The following MASP1 variants were observed in gnomAD, a reference collection of about 807,000 sequenced individuals.
MASP1 encodes mannan-binding lectin serine protease 1.
In MASP1, 59 loss-of-function variants were observed where a neutral mutation model predicts 77.1. That is an observed-to-expected ratio of 0.77 (90% CI 0.62 to 0.95). The LOEUF (loss-of-function observed/expected upper bound fraction) is 0.95, where lower values mean the gene tolerates loss of function less well. Ranked by LOEUF, MASP1 falls within the 40% of genes least tolerant of loss-of-function variation. MASP1 has a pLI of 0.00. For missense variants in MASP1, 885 were observed against 912.9 expected (o/e 0.97, Z 0.39); for synonymous variants, 362 against 354.5 (o/e 1.02, Z -0.24).
At chr3:187,247,505 G>T in intron 8 of MASP1, 2 of 1,096,422 alleles carry the variant, frequency 1.8e-6, no homozygotes, top group Admixed American at 3.6e-5. Flanking sequence ...AGGAAATACA[G>T]AAATTACTCC....
At chr3:187,225,447 G>T in exon 13 of MASP1, 2 of 1,614,186 alleles carry the variant, frequency 1.2e-6, no homozygotes, top group Non-Finnish European at 1.7e-6. Context: ...TGGGGGTGGA[G>T]AGTGGTGTGT....
At chr3:187,238,653 A>G (rs369259372) in intron 10 of MASP1, among the ~76,000 whole-genome samples, 41 of 152,358 alleles carry the variant, frequency 2.7e-4, no homozygotes, top group Middle Eastern at 3.4e-3. Context: ...GATGGCATAA[A>G]ACATGATCAT....
In MASP1 at chr3:187,281,464, C is replaced by T. The variant is rs75080397; in HGVS notation, c.237+4361G>A. Among the ~76,000 whole-genome samples the T allele has an allele frequency of 2.2e-4, 33 of 152,268 alleles. No individual in the cohort carries two copies. The East Asian group carries it at 3.5e-3, about 16-fold the overall frequency. ...ATTTAGTCATAGAGGAAAAATGCCTCAAAACAGGGAATTTTATCCTGTCAA... is the reference window on the plus strand; with the variant it reads ...ATTTAGTCATAGAGGAAAAATGCCTTAAAACAGGGAATTTTATCCTGTCAA... On this transcript the variant is annotated intron_variant, in intron 2 of 10. Transcript: ENST00000296280.
Position 187,251,766 on chromosome 3 carries a change from A to C in MASP1, c.893-14T>G, listed in dbSNP as rs188032187. 5,489 of 1,598,438 alleles carry C rather than the reference A, an allele frequency of 3.4e-3. 46 individuals are homozygous for C. Among genetic ancestry groups the C allele is most frequent in the South Asian group, 0.016 (1,431 of 90,786 alleles). ...GGCACTCATTTCCTGGTGAGGAGCA[A>C]ATGAAAGAACAGCAGGTGAGAAAAG... On this transcript the variant is annotated splice_polypyrimidine_tract_variant and intron_variant, in intron 6 of 10. Transcript: ENST00000296280.
rs3815623 is a variant in MASP1 at position 187,241,254 on chromosome 3, G to A, written c.1303+227C>T. The stretch of plus-strand genomic sequence containing the variant: ...AATCTTGTGGCAAGGGCACAGAGAC[G>A]GGACAGGAGGGCTCTCAGAGTGATG... On this transcript the variant is annotated intron_variant, in intron 10 of 10. Coordinates refer to ENST00000296280, the MANE Select transcript of MASP1 (RefSeq NM_139125.4). Among the ~76,000 whole-genome samples the A allele has an allele frequency of 0.45, 68,151 of 151,976 alleles. 15,761 individuals carry two copies. Among genetic ancestry groups the A allele is most frequent in the East Asian group, 0.67 (3,458 of 5,170 alleles).
rs1360124037 is a variant in MASP1 at position 187,286,063 on chromosome 3, G to C, written c.6-7C>G. 1 of 1,607,476 alleles carries C rather than the reference G, an allele frequency of 6.2e-7. No homozygotes were observed. The highest frequency in any genetic ancestry group is 1.3e-5 in the African/African-American group (1 of 74,818). On this transcript the variant is annotated splice_region_variant and splice_polypyrimidine_tract_variant and intron_variant, in intron 1 of 10. Coordinates refer to ENST00000296280, the MANE Select transcript of MASP1 (RefSeq NM_139125.4). ...ATAATAGAGAAGCAGCCACCTGAAA[G>C]ACATGAATGTAGGTCTACTTACATT...
chr3:187,278,984 C>A (rs1361446751), intron 2 of MASP1, among the ~76,000 whole-genome samples: 2 of 152,144 alleles, frequency 1.3e-5, no homozygotes, highest in African/African-American at 4.8e-5. Flanking sequence ...CTGCCCCACC[C>A]CTCCGCCACA....
intron 13 of MASP1, among the ~76,000 whole-genome samples, chr3:187,224,385 C>T (rs563045629): frequency 1.2e-4 from 16 of 129,166 alleles, no homozygotes; most frequent in South Asian, 5.1e-4. Context: ...CTCGCTCTGT[C>T]GCCCAGGCTG....
downstream of MASP1, among the ~76,000 whole-genome samples, chr3:187,232,571 T>A (rs779448256): frequency 2.0e-5 from 3 of 152,120 alleles, no homozygotes; most frequent in Admixed American, 6.5e-5. Flanking sequence ...ATCAATCACA[T>A]CCTTGTTGCC....
At chr3:187,259,351 C>T (rs976504472) in intron 4 of MASP1, among the ~76,000 whole-genome samples, 2 of 152,092 alleles carry the variant, frequency 1.3e-5, no homozygotes, top group African/African-American at 2.4e-5. Context: ...TTTTTTACCC[C>T]AAGCATTCTC....
intron 8 of MASP1, among the ~76,000 whole-genome samples, chr3:187,245,449 C>G (rs1212728241): frequency 6.6e-6 from 1 of 152,140 alleles, no homozygotes; most frequent in African/African-American, 2.4e-5. Flanking sequence ...GGAGGACCTA[C>G]TTTCACATCA....
At chr3:187,241,648 G>T in intron 9 of MASP1, 93 bp from the exon 10 acceptor site, 1 of 873,978 alleles carries the variant, frequency 1.1e-6, no homozygotes. Flanking sequence ...TCTCTAAAGT[G>T]AGTTATTACA....
rs141623906 is a variant in MASP1, at chr3:187,235,899, C to T, written c.1972G>A (p.Asp658Asn). ...FCAGYYEGGK[D>N]TCLGDSGGAF... ...CCACCGCTATCTCCAAGGCACGTGT[C>T]TTTGCCGCCCTCGTAGTAGCCAGCA... is the stretch of plus-strand genomic sequence containing the variant. The change falls in exon 11 of 11, where the codon GAC becomes AAC. Residue 658 changes from aspartate (D) to asparagine (N), a missense_variant. Transcript: ENST00000296280. The T allele has an allele frequency of 1.2e-6, 2 of 1,614,254 alleles. No individual in the cohort carries two copies. Among genetic ancestry groups the T allele is most frequent in the Non-Finnish European group, 1.7e-6 (2 of 1,180,048 alleles).
intron 11 of MASP1, among the ~76,000 whole-genome samples, chr3:187,228,714 C>T (rs936958792): frequency 1.3e-5 from 2 of 152,198 alleles, no homozygotes; most frequent in Non-Finnish European, 2.9e-5. Context: ...TCTGCTCCCA[C>T]TGAACTGCCC....
In MASP1 at chr3:187,262,583, C is replaced by T. The variant is rs1005741447; in HGVS notation, c.375G>A (p.Glu125=). ...SITFRSDFSN[E]ERFTGFDAHY... ...GGGCATCAAAGCCTGTGAAACGCTC[C>T]TCATTGGAGAAATCTGACCGGAAAG... Residue 125 remains glutamate, a synonymous_variant, in exon 3 of 11, where the codon GAG becomes GAA. Coordinates refer to ENST00000296280, the MANE Select transcript of MASP1 (RefSeq NM_139125.4). 6.2e-7 allele frequency: 1 copy of T among 1,614,020 alleles called. No individual in the cohort carries two copies. The highest frequency in any genetic ancestry group is 1.3e-5 in the African/African-American group (1 of 74,916).
Position 187,263,192 on chromosome 3 carries a change from TAGC to T in MASP1, c.238-475_238-473del, listed in dbSNP as rs150153123. 6.5e-3 allele frequency: 1,206 copies of T among 184,394 alleles called. 24 individuals carry two copies. The highest frequency in any genetic ancestry group is 0.033 in the Admixed American group (604 of 18,574). The allele number at this position is 184,394 out of a possible 1,614,324, so 11.4% of individuals were successfully genotyped here. A position where few individuals can be genotyped will look rare whatever the true frequency, so the allele number is the denominator to read the frequency against. ...GATAGACACAGTGCTGTGCACACAA[TAGC>T]AGTGTTGAGATTGAGGAACACAGAC... is the stretch of plus-strand genomic sequence containing the variant. On this transcript the variant is annotated intron_variant, in intron 2 of 10. Transcript: ENST00000296280.
Position 187,255,010 on chromosome 3 carries a change from A to C in MASP1, c.744+1654T>G, listed in dbSNP as rs115339041. On this transcript the variant is annotated intron_variant, in intron 5 of 10. Transcript: ENST00000296280. ...GGGACACCATGGCAGGCAGAATTCT[A>C]GGGTGGTCCTCCTGACCTTCACCCC... Among the ~76,000 whole-genome samples the C allele has an allele frequency of 5.6e-3, 848 of 152,262 alleles. 11 individuals are homozygous for C. The highest frequency in any genetic ancestry group is 0.017 in the African/African-American group (709 of 41,542).
At chr3:187,238,657 T>A (rs1279382655) in intron 10 of MASP1, among the ~76,000 whole-genome samples, 4 of 152,166 alleles carry the variant, frequency 2.6e-5, no homozygotes, top group Non-Finnish European at 4.4e-5. Flanking sequence ...GCATAAAACA[T>A]GATCATGGTA....
chr3:187,222,493 T>G (rs1712120790), intron 14 of MASP1, among the ~76,000 whole-genome samples: 1 of 152,170 alleles, frequency 6.6e-6, no homozygotes, highest in Non-Finnish European at 1.5e-5. Context: ...AAACTAGCTG[T>G]GTCAGTCATA....
Sources: allele counts gnomAD v4.1 joint callset (sites outside exome capture counted in the v4.1 genomes callset), GRCh38; gene constraint gnomAD v4.1.1; transcripts MANE v1.5; gene names NCBI Gene and HGNC (gene_info 2026-07-23, HGNC 2026-07-21).